Variants in AKT3 observed in about 807,000 individuals in gnomAD.
The protein encoded by AKT3 is RAC-gamma serine/threonine-protein kinase.
In AKT3, 15 loss-of-function variants were observed where a neutral mutation model predicts 65.3. The ratio of observed to expected loss-of-function variants is 0.23; its 90% confidence interval spans 0.15 to 0.35. The LOEUF is 0.35. Among genes scored for constraint, AKT3 ranks in the 10% least tolerant of loss-of-function variants. AKT3 has a pLI of 1.00. For missense variants in AKT3, 243 were observed against 576.5 expected (o/e 0.42, Z 5.92); for synonymous variants, 206 against 183.8 (o/e 1.12, Z -0.98).
chr1:243,632,796 T>C (rs1255538727), intron 6 of AKT3, among the ~76,000 whole-genome samples: 2 of 152,232 alleles, frequency 1.3e-5, no homozygotes, highest in Non-Finnish European at 2.9e-5. Context: ...ACTTTTAGGC[T>C]ATAGAGATGG....
chr1:243,512,696 C>A (rs1176974496), intron 12 of AKT3, among the ~76,000 whole-genome samples: 1 of 152,124 alleles, frequency 6.6e-6, no homozygotes, highest in Non-Finnish European at 1.5e-5. Flanking sequence ...ATTGAAAAAT[C>A]TGTGCTGGTT....
chr1:243,504,590 T>C lies in AKT3; in HGVS notation c.*659A>G. On this transcript the variant is annotated 3_prime_UTR_variant, in exon 14 of 14. Transcript: ENST00000673466. ...GTGAAGTCTCGACATCCACATGTGA[T>C]ATGGGCTTCTTCTACAGTATCCACC... 5.4e-6 allele frequency: 1 copy of C among 183,650 alleles called. No homozygotes were observed. The highest frequency in any genetic ancestry group is 8.9e-5 in the East Asian group (1 of 11,274). 11.4% of individuals were successfully genotyped at this position (183,650 alleles called of 1,614,324 possible).
At chr1:243,691,700 A>T (rs1684703014) in intron 3 of AKT3, among the ~76,000 whole-genome samples, 1 of 152,174 alleles carries the variant, frequency 6.6e-6, no homozygotes, top group Non-Finnish European at 1.5e-5. Context: ...GAAATAGACA[A>T]AATTATCTTG....
chr1:243,629,972 C>A (rs377218021), intron 6 of AKT3, among the ~76,000 whole-genome samples: 10 of 151,954 alleles, frequency 6.6e-5, no homozygotes, highest in Non-Finnish European at 1.3e-4. Flanking sequence ...AGAAAAAAGT[C>A]CCCCCACTCC....
chr1:243,736,640 G>T (rs552993827), intron 2 of AKT3, among the ~76,000 whole-genome samples: 1 of 152,090 alleles, frequency 6.6e-6, no homozygotes, highest in Non-Finnish European at 1.5e-5. Context: ...GTATTATACA[G>T]CAATCTTAAA....
At chr1:243,801,667 A>C (rs937913986) in intron 2 of AKT3, among the ~76,000 whole-genome samples, 1 of 152,220 alleles carries the variant, frequency 6.6e-6, no homozygotes, top group Non-Finnish European at 1.5e-5. Context: ...ACAAATTCAG[A>C]TCATGATAGC....
At chr1:243,766,524 G>A (rs1042973265) in intron 2 of AKT3, among the ~76,000 whole-genome samples, 2 of 152,108 alleles carry the variant, frequency 1.3e-5, no homozygotes, top group Non-Finnish European at 2.9e-5. Flanking sequence ...AAAGAGATTA[G>A]GAGTTCAATT....
chr1:243,674,656 T>C (rs1683381148), intron 3 of AKT3, among the ~76,000 whole-genome samples: 1 of 152,190 alleles, frequency 6.6e-6, no homozygotes, highest in Admixed American at 6.5e-5. Context: ...AATACTCTGC[T>C]GGACTAGTAG....
At chr1:243,687,804 G>T (rs938533847) in intron 3 of AKT3, 9 of 151,998 alleles carry the variant, frequency 5.9e-5, no homozygotes, top group African/African-American at 2.2e-4. Context: ...TTTTACAAAG[G>T]TTTTCTCCAT....
intron 12 of AKT3, among the ~76,000 whole-genome samples, chr1:243,514,385 A>G (rs1240885698): frequency 6.6e-6 from 1 of 152,188 alleles, no homozygotes; most frequent in Non-Finnish European, 1.5e-5. Context: ...GGGAGCTTAA[A>G]ATAGTCTCTG....
At chr1:243,615,214 A>G in intron 6 of AKT3, 53 bp from the exon 7 acceptor site, 1 of 1,328,966 alleles carries the variant, frequency 7.5e-7, no homozygotes, top group Non-Finnish European at 1.1e-6. Context: ...ACTGATAATA[A>G]TAATTTCACT....
In AKT3 at chr1:243,833,506, G is replaced by A. The variant is rs185425850; in HGVS notation, c.46+9619C>T. Among the ~76,000 whole-genome samples, 29 of 152,166 alleles carry A rather than the reference G, an allele frequency of 1.9e-4. No individual in the cohort carries two copies. The East Asian group carries it at 1.9e-3, about 10-fold the overall frequency. ...GAACAGCATGGGGGAAACTGCCCCC[G>A]TGATTCAATTACCTCCGCCTGGTCT... On this transcript the variant is annotated intron_variant, in intron 2 of 13. Transcript: ENST00000673466.
At chr1:243,606,697 C>T (rs1677451400) in intron 8 of AKT3, among the ~76,000 whole-genome samples, 2 of 152,246 alleles carry the variant, frequency 1.3e-5, no homozygotes, top group Admixed American at 6.5e-5. Context: ...AGATGTTAAT[C>T]ACCAAGACAA....
At chr1:243,548,381 T>C (rs1049008496) in intron 11 of AKT3, 2 of 152,202 alleles carry the variant, frequency 1.3e-5, no homozygotes, top group Non-Finnish European at 2.9e-5. Flanking sequence ...AATACTTTGG[T>C]TTTGAACATA....
chr1:243,817,613 T>A (rs186385837), intron 2 of AKT3, among the ~76,000 whole-genome samples: 3 of 152,254 alleles, frequency 2.0e-5, no homozygotes, highest in Non-Finnish European at 4.4e-5. Flanking sequence ...TGGTGGCACA[T>A]GCCTGTAGTC....
intron 2 of AKT3, among the ~76,000 whole-genome samples, chr1:243,772,765 T>C (rs1326352023): frequency 2.0e-5 from 3 of 152,102 alleles, no homozygotes; most frequent in Non-Finnish European, 2.9e-5. Flanking sequence ...CTACTCACAA[T>C]AGCAAAGACT....
chr1:243,787,363 C>A (rs1322932035), intron 2 of AKT3, among the ~76,000 whole-genome samples: 1 of 151,848 alleles, frequency 6.6e-6, no homozygotes, highest in Non-Finnish European at 1.5e-5. Context: ...AAAACTAGTC[C>A]CAGCTCCCTC....
intron 2 of AKT3, among the ~76,000 whole-genome samples, chr1:243,700,839 G>A (rs539670913): frequency 1.3e-5 from 2 of 152,236 alleles, no homozygotes; most frequent in Admixed American, 1.3e-4. Context: ...ATGGGACCTG[G>A]TATGAGTTTA....
chr1:243,625,019 TC>T, intron 6 of AKT3: 1 of 361,762 alleles, frequency 2.8e-6, no homozygotes, highest in Non-Finnish European at 5.7e-6. Context: ...CAAAGTTCTG[TC>T]GGTCAGCTTC....
Sources: allele counts gnomAD v4.1 joint callset (sites outside exome capture counted in the v4.1 genomes callset), GRCh38; gene constraint gnomAD v4.1.1; transcripts MANE v1.5; gene names NCBI Gene and HGNC (gene_info 2026-07-23, HGNC 2026-07-21).